Variants in ZNF578 observed in about 807,000 individuals in gnomAD.
ZNF578 encodes Putative chemokine-related protein B42.
In ZNF578, 8 loss-of-function variants were observed where a neutral mutation model predicts 8.3. The ratio of observed to expected loss-of-function variants is 0.96; its 90% CI spans 0.56 to 1.74. The LOEUF is 1.74. ZNF578 is among the 40% of genes most tolerant of loss of function. ZNF578 has a pLI of 0.00. For missense variants in ZNF578, 726 were observed against 707.5 expected, an observed-to-expected ratio of 1.03 and a Z score of -0.30; for synonymous variants, 206 against 232.2, an observed-to-expected ratio of 0.89 and a Z score of 1.03.
intron 3 of ZNF578, among the ~76,000 whole-genome samples, chr19:52,499,501 A>T (rs73583041): frequency 0.022 from 3,318 of 152,252 alleles, 117 homozygotes; most frequent in African/African-American, 0.075. Flanking sequence ...CCCCAAACAC[A>T]TTCCCTTGCA....
rs1335979835 is a variant in ZNF578, at chr19:52,510,568, G to GT, written c.191-3dup. 6.6e-7 allele frequency: 1 copy of GT among 1,524,072 alleles called. No individual in the cohort carries two copies. Among genetic ancestry groups the GT allele is most frequent in the East Asian group, 2.3e-5 (1 of 44,132 alleles). 94.4% of individuals were successfully genotyped at this position (1,524,072 alleles called of 1,614,324 possible). Reference sequence around the variant, plus strand: ...GCAAACGTATTGGTGTTTATATTTTGTAGATATCTCTTCCAAACGCATGAT... The same window carrying GT: ...GCAAACGTATTGGTGTTTATATTTTGTTAGATATCTCTTCCAAACGCATGAT... On this transcript the variant is annotated splice_region_variant and splice_polypyrimidine_tract_variant and intron_variant, in intron 5 of 5. Transcript: ENST00000421239.
intron 2 of ZNF578, chr19:52,474,469 T>G (rs1300801561): frequency 3.1e-6 from 1 of 318,412 alleles, no homozygotes; most frequent in Non-Finnish European, 6.5e-6. Flanking sequence ...TTCATTACAT[T>G]TGTAAGGCTT....
At position 52,511,756 on chromosome 19, in the gene ZNF578, G is replaced by T. The variant is rs1307552155; in HGVS notation, c.1375G>T (p.Glu459Ter). The change falls in exon 6 of 6, where the codon GAA (glutamate) becomes TAA (stop). Residue 459 changes from glutamate to a stop codon, truncating the protein, a stop_gained. Transcript: ENST00000421239. LOFTEE classifies it low-confidence loss of function (END_TRUNC). ...TGGAGAGAAATCTTACAAATGTGAA[G>T]AATGTGACAGAGTTTTCAGTCAGAA... ...HTGEKSYKCEECDRVFSQKSN... is the reference protein window; with the variant it reads ...HTGEKSYKCE 2.5e-6 allele frequency: 4 copies of T among 1,613,402 alleles called. No individual in the cohort carries two copies. The highest frequency in any genetic ancestry group is 3.4e-6 in the Non-Finnish European group (4 of 1,179,846).
intron 2 of ZNF578, among the ~76,000 whole-genome samples, chr19:52,489,449 G>A (rs1568461622): frequency 6.6e-6 from 1 of 151,414 alleles, no homozygotes; most frequent in Non-Finnish European, 1.5e-5. Flanking sequence ...TTAGCTGGGT[G>A]TGGTGGCGCA....
At chr19:52,486,831 G>C (rs919145875) in intron 2 of ZNF578, among the ~76,000 whole-genome samples, 3 of 151,902 alleles carry the variant, frequency 2.0e-5, no homozygotes, top group African/African-American at 7.3e-5. Context: ...TGGGGAGAAG[G>C]AGCAATAAGA....
chr19:52,492,466 G>C (rs1031655273), intron 3 of ZNF578, among the ~76,000 whole-genome samples: 7 of 152,180 alleles, frequency 4.6e-5, no homozygotes, highest in Non-Finnish European at 7.3e-5. Context: ...CTGAATGAAT[G>C]GCGAATAGAA....
chr19:52,478,546 G>T (rs571536678), intron 2 of ZNF578, among the ~76,000 whole-genome samples: 1 of 151,974 alleles, frequency 6.6e-6, no homozygotes, highest in Non-Finnish European at 1.5e-5. Context: ...TGGTGCTGTG[G>T]GTGGGACAAC....
chr19:52,504,875 C>T (rs1052864378), intron 5 of ZNF578, 94 bp downstream of exon 5: 59 of 1,393,636 alleles, frequency 4.2e-5, no homozygotes, highest in Non-Finnish European at 5.4e-5. Context: ...TTGCCCCATA[C>T]GTGGTTTTTT....
intron 5 of ZNF578, among the ~76,000 whole-genome samples, chr19:52,509,391 G>A (rs1392985396): frequency 2.6e-5 from 4 of 152,058 alleles, no homozygotes; most frequent in Admixed American, 2.6e-4. Context: ...TTTGCTTGCT[G>A]GTTTTATCAT....
intron 2 of ZNF578, among the ~76,000 whole-genome samples, chr19:52,479,262 G>A (rs74956568): frequency 0.1 from 15,229 of 151,782 alleles, 1,302 homozygotes; most frequent in East Asian, 0.33. Flanking sequence ...AAGGCCGGGC[G>A]CAGTGGCTCA....
At chr19:52,500,788 C>G (rs1470478439) in intron 3 of ZNF578, among the ~76,000 whole-genome samples, 1 of 151,808 alleles carries the variant, frequency 6.6e-6, no homozygotes, top group East Asian at 1.9e-4. Flanking sequence ...GTTCCCTAAG[C>G]AGTTCCCAGC....
At chr19:52,501,064 A>G (rs2059405371) in intron 3 of ZNF578, among the ~76,000 whole-genome samples, 1 of 152,072 alleles carries the variant, frequency 6.6e-6, no homozygotes, top group East Asian at 1.9e-4. Flanking sequence ...CTTTTAGTAG[A>G]GAAAGCATTT....
Position 52,511,791 on chromosome 19 carries a change from T to TA in ZNF578, c.1410_1411insA (p.Glu471ArgfsTer16). ...GAGTTTTCAGTCAGAAATCAAACCT[T>TA]GAGAGACACAAGATAATTCATACTG... On this transcript the variant is annotated frameshift_variant, in exon 6 of 6. Coordinates refer to ENST00000421239, the MANE Select transcript of ZNF578 (RefSeq NM_001099694.2). LOFTEE classifies it low-confidence loss of function (END_TRUNC). 6.2e-7 allele frequency: 1 copy of TA among 1,613,326 alleles called. No homozygotes were observed. The highest frequency in any genetic ancestry group is 8.5e-7 in the Non-Finnish European group (1 of 1,179,722).
chr19:52,485,504 A>G (rs1309534140), intron 2 of ZNF578, among the ~76,000 whole-genome samples: 2 of 152,220 alleles, frequency 1.3e-5, no homozygotes, highest in Non-Finnish European at 2.9e-5. Flanking sequence ...GGCTGAGCTC[A>G]GCCTGTGATC....
Position 52,506,737 on chromosome 19 carries a change from G to A in ZNF578, c.190+1956G>A, listed in dbSNP as rs76318846. Among the ~76,000 whole-genome samples, 1,103 of 152,232 alleles carry A rather than the reference G, an allele frequency of 7.2e-3. 13 individuals are homozygous for A. The highest frequency in any genetic ancestry group is 0.025 in the African/African-American group (1,037 of 41,534). On this transcript the variant is annotated intron_variant, in intron 5 of 5. Transcript: ENST00000421239. ...CACCTGCCCATTATGCCTGGCGCAA[G>A]CCTGGCTAATTTTTGTATTTTTAGT... is the stretch of plus-strand genomic sequence containing the variant.
chr19:52,500,276 A>G (rs1568464667), intron 3 of ZNF578, among the ~76,000 whole-genome samples: 1 of 152,288 alleles, frequency 6.6e-6, no homozygotes, highest in Non-Finnish European at 1.5e-5. Flanking sequence ...CAATCAATAT[A>G]TGTAAGAAGT....
In ZNF578 at chr19:52,498,108, C is replaced by T. The variant is rs151096853; in HGVS notation, c.-19-3719C>T. On this transcript the variant is annotated intron_variant, in intron 3 of 5. Transcript: ENST00000421239. ...TTGATGCCATCAGAACCTTACAACT[C>T]GAAAGAAGTTTCCTTTGCTCAGGTA... Among the ~76,000 whole-genome samples the T allele has an allele frequency of 4.3e-3, 655 of 152,210 alleles. 5 individuals carry two copies. The highest frequency in any genetic ancestry group is 0.015 in the African/African-American group (604 of 41,530).
intron 3 of ZNF578, among the ~76,000 whole-genome samples, chr19:52,493,382 A>G (rs936852540): frequency 6.6e-6 from 1 of 152,100 alleles, no homozygotes; most frequent in Non-Finnish European, 1.5e-5. Flanking sequence ...CTGAACCAGC[A>G]TTGGGCAGGT....
intron 3 of ZNF578, among the ~76,000 whole-genome samples, chr19:52,494,766 G>C (rs1348911443): frequency 6.6e-6 from 1 of 152,092 alleles, no homozygotes; most frequent in African/African-American, 2.4e-5. Flanking sequence ...TTCCCAGGGT[G>C]GGGTAGGAAG....
Sources: gnomAD v4.1 joint callset for allele counts (sites outside exome capture counted in the v4.1 genomes callset) on GRCh38, gnomAD v4.1.1 for gene constraint, MANE v1.5 for transcripts, NCBI Gene and HGNC (gene_info 2026-07-23, HGNC 2026-07-21) for gene names.